LRMDA: variants seen among roughly 807,000 people sequenced by gnomAD.
LRMDA encodes the protein leucine rich melanocyte differentiation associated, also known as leucine-rich melanocyte differentiation-associated protein.
A neutral mutation model predicts 29.8 loss-of-function variants in LRMDA; 18 were observed. The observed-to-expected ratio is 0.60, with a 90% confidence interval of 0.42 to 0.90. LRMDA has a LOEUF of 0.90. Ranked by LOEUF, LRMDA falls within the 40% of genes least tolerant of loss-of-function variation. LRMDA has a pLI of 0.00. For missense variants in LRMDA, 273 were observed against 273.9 expected (o/e 1.00, Z 0.02); for synonymous variants, 125 against 109.4 (o/e 1.14, Z -0.89).
intron 2 of LRMDA, among the ~76,000 whole-genome samples, chr10:75,912,175 C>A (rs1402726118): frequency 6.6e-6 from 1 of 152,124 alleles, no homozygotes; most frequent in Non-Finnish European, 1.5e-5. Context: ...ACTCATTTCC[C>A]CCCCTTCCCT....
At chr10:75,673,881 A>G (rs1000094397) in intron 2 of LRMDA, among the ~76,000 whole-genome samples, 53 of 152,190 alleles carry the variant, frequency 3.5e-4, no homozygotes, top group African/African-American at 1.2e-3. Context: ...TTGTGTTCCC[A>G]TTTATTTTCT....
intron 5 of LRMDA, among the ~76,000 whole-genome samples, chr10:76,206,675 C>T (rs186297461): frequency 9.8e-5 from 15 of 152,298 alleles, no homozygotes; most frequent in African/African-American, 3.6e-4. Context: ...ATTTCTGGAT[C>T]CATGAGGCTC....
intron 2 of LRMDA, among the ~76,000 whole-genome samples, chr10:75,606,186 A>G (rs1413293818): frequency 1.4e-5 from 2 of 145,466 alleles, no homozygotes; most frequent in African/African-American, 2.9e-5. Context: ...TAAGATAAGT[A>G]AAGTTCACTG....
chr10:76,420,450 C>T (rs561028675), intron 6 of LRMDA, among the ~76,000 whole-genome samples: 1 of 151,888 alleles, frequency 6.6e-6, no homozygotes. Context: ...CTCATTCCTA[C>T]CCCCATCCCA....
At chr10:75,769,982 C>CA (rs902119374) in intron 2 of LRMDA, among the ~76,000 whole-genome samples, 19 of 150,724 alleles carry the variant, frequency 1.3e-4, no homozygotes, top group African/African-American at 3.9e-4. Flanking sequence ...GACTCTGTCT[C>CA]AAAAAAAAAT....
chr10:75,555,905 A>G (rs1024638042), intron 2 of LRMDA, among the ~76,000 whole-genome samples: 1 of 152,170 alleles, frequency 6.6e-6, no homozygotes, highest in African/African-American at 2.4e-5. Flanking sequence ...TAGGACTGAA[A>G]ATTATAATAT....
intron 5 of LRMDA, among the ~76,000 whole-genome samples, chr10:76,298,845 T>C (rs1265157326): frequency 6.6e-6 from 1 of 152,148 alleles, no homozygotes; most frequent in Non-Finnish European, 1.5e-5. Context: ...CTCTCCATCA[T>C]GTGGGTCTAA....
chr10:75,511,414 T>A (rs1387731166), intron 2 of LRMDA, among the ~76,000 whole-genome samples: 2 of 152,178 alleles, frequency 1.3e-5, no homozygotes, highest in African/African-American at 4.8e-5. Context: ...CCCCTCAACA[T>A]ACTGTGGGAC....
chr10:76,400,991 A>T (rs182168252), intron 6 of LRMDA, among the ~76,000 whole-genome samples: 24 of 152,310 alleles, frequency 1.6e-4, no homozygotes, highest in Admixed American at 1.6e-3. Flanking sequence ...CAAAATGCTC[A>T]TTTGAGCATT....
intron 2 of LRMDA, among the ~76,000 whole-genome samples, chr10:76,018,181 G>C (rs142938130): frequency 5.1e-4 from 78 of 152,264 alleles, no homozygotes; most frequent in African/African-American, 1.7e-3. Flanking sequence ...TCTTATCCTC[G>C]ATCTAATCCA....
At chr10:76,187,275 A>G (rs1025410846) in intron 5 of LRMDA, among the ~76,000 whole-genome samples, 1 of 152,202 alleles carries the variant, frequency 6.6e-6, no homozygotes, top group Non-Finnish European at 1.5e-5. Flanking sequence ...GGATATTAAG[A>G]AAATGTCCCC....
chr10:76,165,162 G>A (rs1289879226), intron 5 of LRMDA, among the ~76,000 whole-genome samples: 1 of 152,138 alleles, frequency 6.6e-6, no homozygotes, highest in African/African-American at 2.4e-5. Flanking sequence ...AAGTAGAGAT[G>A]GGGTTTCACT....
chr10:75,586,391 T>C (rs1840656714), intron 2 of LRMDA, among the ~76,000 whole-genome samples: 1 of 130,662 alleles, frequency 7.7e-6, no homozygotes, highest in Non-Finnish European at 1.6e-5. Flanking sequence ...AGGATCTCAC[T>C]CTGTCACCCA....
At position 75,871,231 on chromosome 10, in the gene LRMDA, C is replaced by T. The variant is rs1845103817; in HGVS notation, c.132-164777C>T. 2.0e-5 allele frequency among the ~76,000 whole-genome samples: 3 copies of T among 152,304 alleles called. No homozygotes were observed. In the South Asian group the frequency reaches 6.2e-4, roughly 32 times the overall value. On this transcript the variant is annotated intron_variant, in intron 2 of 6. Coordinates refer to ENST00000611255, the MANE Select transcript of LRMDA (RefSeq NM_001305581.2). The stretch of plus-strand genomic sequence containing the variant: ...TCACCTCTGGTTTCAGTGACAGCTC[C>T]CATGCAGAGTTTCGCATGGGCTTAG...
chr10:76,238,526 C>T (rs1564696230), intron 5 of LRMDA, among the ~76,000 whole-genome samples: 1 of 140,530 alleles, frequency 7.1e-6, no homozygotes, highest in Non-Finnish European at 1.5e-5. Flanking sequence ...GTGTCTATTG[C>T]ATATCTGTTA....
intron 2 of LRMDA, among the ~76,000 whole-genome samples, chr10:75,463,594 T>C (rs987908219): frequency 5.9e-5 from 9 of 151,520 alleles, no homozygotes; most frequent in African/African-American, 1.9e-4. Flanking sequence ...TTCAAGGGAG[T>C]CTCCTGCTTC....
chr10:76,220,182 A>G (rs1459576036), intron 5 of LRMDA, among the ~76,000 whole-genome samples: 2 of 152,192 alleles, frequency 1.3e-5, no homozygotes, highest in Non-Finnish European at 2.9e-5. Flanking sequence ...TCCAAAATTG[A>G]CACCCTAACA....
At chr10:75,611,740 A>G (rs1841034803) in intron 2 of LRMDA, among the ~76,000 whole-genome samples, 2 of 152,132 alleles carry the variant, frequency 1.3e-5, no homozygotes, top group South Asian at 4.2e-4. Flanking sequence ...CTCTGGGTGG[A>G]TGTAACCCCT....
At chr10:75,736,103 G>T (rs1374500170) in intron 2 of LRMDA, among the ~76,000 whole-genome samples, 1 of 152,060 alleles carries the variant, frequency 6.6e-6, no homozygotes, top group African/African-American at 2.4e-5. Context: ...AGAACATTTG[G>T]CACTTTGCAC....
Sources: allele counts gnomAD v4.1 joint callset (sites outside exome capture counted in the v4.1 genomes callset), GRCh38; gene constraint gnomAD v4.1.1; transcripts MANE v1.5; gene names NCBI Gene and HGNC (gene_info 2026-07-23, HGNC 2026-07-21).